The following ZNF676 variants were observed in gnomAD, a reference collection of about 807,000 sequenced individuals.
ZNF676 encodes the protein zinc finger protein 676.
Under a neutral mutation model 6.0 loss-of-function variants are expected in ZNF676, and 4 were observed. The observed-to-expected ratio is 0.67, with a 90% CI of 0.33 to 1.53. The LOEUF (loss-of-function observed/expected upper bound fraction) is 1.53. Among genes scored for constraint, ZNF676 ranks in the 40% most tolerant of loss-of-function variants. The probability of loss-of-function intolerance (pLI) is 0.06; values close to 1 mark genes in which losing one functional copy is unlikely to be tolerated. For synonymous variants in ZNF676, 198 were observed against 223.1 expected (o/e 0.89, Z 1.00); for missense variants, 644 against 679.7 (o/e 0.95, Z 0.58).
the ZNF676 span, among the ~76,000 whole-genome samples, chr19:22,234,917 G>A: frequency 1.3e-5 from 2 of 148,722 alleles, no homozygotes; most frequent in African/African-American, 2.5e-5. Context: ...TGGATGACAA[G>A]AGCAAGACTC....
At chr19:22,219,699 A>G (rs2024228749), upstream of ZNF676, among the ~76,000 whole-genome samples, 1 of 151,480 alleles carries the variant, frequency 6.6e-6, no homozygotes, top group Non-Finnish European at 1.5e-5. Flanking sequence ...TCTGTCACCC[A>G]GGCTGGAGTG....
rs2145777327 is a variant in ZNF676, at chr19:22,180,879, G to T, written c.838C>A (p.Pro280Thr). Residue 280 changes from proline to threonine, a missense_variant, in exon 3 of 3, where the codon CCC becomes ACC. By Grantham distance (38) the Pro-to-Thr change is conservative. Around this residue, in one of 5 missense-constraint regions of ZNF676, gnomAD observed 28 missense variants for 83.7 expected, o/e 0.33. Coordinates refer to ENST00000397121, the MANE Select transcript of ZNF676 (RefSeq NM_001001411.3). ...THKAIHAEEKPYKCEECGKAS... is the reference protein window; with the variant it reads ...THKAIHAEEKTYKCEECGKAS... The stretch of plus-strand genomic sequence containing the variant: ...TTGCCACATTCTTCACATTTGTAGG[G>T]CTTCTCTTCAGCATGAATTGCCTTA... 1 of 1,402,960 alleles carries T rather than the reference G, an allele frequency of 7.1e-7. No homozygotes were observed. Among genetic ancestry groups the T allele is most frequent in the Middle Eastern group, 1.8e-4 (1 of 5,626 alleles). The allele number at this position is 1,402,960 out of a possible 1,614,324, so 86.9% of individuals were successfully genotyped here. A position where few individuals can be genotyped will look rare whatever the true frequency, so the allele number is the denominator to read the frequency against.
At chr19:22,253,763 A>C in the ZNF676 span, among the ~76,000 whole-genome samples, 72 of 152,080 alleles carry the variant, frequency 4.7e-4, no homozygotes, top group African/African-American at 1.6e-3. Context: ...GACCTCTCCA[A>C]TGGGGTCTGT....
At chr19:22,248,542 C>T in the ZNF676 span, among the ~76,000 whole-genome samples, 1 of 152,120 alleles carries the variant, frequency 6.6e-6, no homozygotes, top group African/African-American at 2.4e-5. Flanking sequence ...TGGAAAAGAT[C>T]CCTTCATGAC....
rs768097893 is a variant in ZNF676, at chr19:22,180,943, A to C, written c.774T>G (p.Cys258Trp). ...TGEKPYKCEE[C>W]GKGFSSVSTL... The stretch of plus-strand genomic sequence containing the variant: ...TTGAGACGCTACTAAATCCTTTGCC[A>C]CATTCTTCACATTTGTAGGGTTTCT... The change falls in exon 3 of 3, where the codon TGT (cysteine) becomes TGG (tryptophan). Residue 258 changes from cysteine (C) to tryptophan (W), a missense_variant. This residue lies in a region of ZNF676 where 28 missense variants were observed against 83.7 expected (regional missense o/e 0.33). Coordinates refer to ENST00000397121, the MANE Select transcript of ZNF676 (RefSeq NM_001001411.3). 6.2e-7 allele frequency: 1 copy of C among 1,600,682 alleles called. No homozygotes were observed. The highest frequency in any genetic ancestry group is 8.5e-7 in the Non-Finnish European group (1 of 1,170,288).
upstream of ZNF676, among the ~76,000 whole-genome samples, chr19:22,200,667 A>T (rs141015457): frequency 0.017 from 2,657 of 151,994 alleles, 49 homozygotes; most frequent in African/African-American, 0.039. Context: ...TACAGGCATG[A>T]GCCACCACAC....
intron 2 of ZNF676, among the ~76,000 whole-genome samples, chr19:22,185,217 A>C (rs1329682391): frequency 6.6e-6 from 1 of 152,172 alleles, no homozygotes; most frequent in African/African-American, 2.4e-5. Context: ...GGTGATACCC[A>C]GGAAAAAGGG....
Position 22,181,197 on chromosome 19 carries a change from T to C in ZNF676, c.520A>G (p.Asn174Asp), listed in dbSNP as rs747031273. 5.0e-6 allele frequency: 8 copies of C among 1,613,798 alleles called. No individual in the cohort carries two copies. The highest frequency in any genetic ancestry group is 6.8e-6 in the Non-Finnish European group (8 of 1,179,850). The change falls in exon 3 of 3, where the codon AAT (asparagine) becomes GAT (aspartate). Residue 174 changes from asparagine to aspartate, a missense_variant. Physicochemically the swap from Asn to Asp is conservative, Grantham distance 23 (BLOSUM62 1). This residue lies in a region of ZNF676 where 280 missense variants were observed against 269.3 expected (regional missense o/e 1.04). Coordinates refer to ENST00000397121, the MANE Select transcript of ZNF676 (RefSeq NM_001001411.3). Reference sequence around the variant, plus strand: ...GAGGACCAGTTAAAAGCTTTGCCATTTTCTTCACATTTGTAGGAATTCTCT... The same window carrying C: ...GAGGACCAGTTAAAAGCTTTGCCATCTTCTTCACATTTGTAGGAATTCTCT... ...TRENSYKCEENGKAFNWSSTL... is the reference protein window; with the variant it reads ...TRENSYKCEEDGKAFNWSSTL...
intron 1 of ZNF676, among the ~76,000 whole-genome samples, chr19:22,194,926 AC>A (rs2023951609): frequency 6.6e-6 from 1 of 152,112 alleles, no homozygotes; most frequent in South Asian, 2.1e-4. Flanking sequence ...CTACCAAAGT[AC>A]CCACTGTCAT....
At chr19:22,253,353 G>GGTGTGTGTGTGTGT in the ZNF676 span, among the ~76,000 whole-genome samples, 1 of 105,832 alleles carries the variant, frequency 9.4e-6, no homozygotes, top group Non-Finnish European at 1.9e-5. Flanking sequence ...TATGATAATG[G>GGTGTGTGTGTGTGT]GTGTGTGTGT....
the ZNF676 span, among the ~76,000 whole-genome samples, chr19:22,239,391 A>C: frequency 1.5e-4 from 23 of 151,920 alleles, no homozygotes; most frequent in Admixed American, 1.1e-3. Flanking sequence ...TGTGTTAGCC[A>C]GGATGGTCTC....
the ZNF676 span, among the ~76,000 whole-genome samples, chr19:22,237,309 A>T: frequency 6.6e-6 from 1 of 152,214 alleles, no homozygotes; most frequent in African/African-American, 2.4e-5. Context: ...AAGCTGCAAC[A>T]TTAAATGCAG....
At chr19:22,199,917 A>G (rs1245731272), upstream of ZNF676, among the ~76,000 whole-genome samples, 2 of 152,152 alleles carry the variant, frequency 1.3e-5, no homozygotes, top group Non-Finnish European at 2.9e-5. Flanking sequence ...AGTCTCAGAA[A>G]ATGTTGAACA....
the ZNF676 span, among the ~76,000 whole-genome samples, chr19:22,233,352 A>G: frequency 1.3e-5 from 2 of 150,834 alleles, no homozygotes; most frequent in Admixed American, 6.6e-5. Flanking sequence ...AAAATTTTAT[A>G]ATATTTTGGA....
At chr19:22,224,559 TTTCTTTGTGTGAGAGAAA>T in the ZNF676 span, among the ~76,000 whole-genome samples, 2 of 152,208 alleles carry the variant, frequency 1.3e-5, 1 homozygote, top group Admixed American at 1.3e-4. Flanking sequence ...GAATATATAT[TTTCTTTGTGTGAGAGAAA>T]CACTTTTGTG....
At chr19:22,254,188 T>C in the ZNF676 span, among the ~76,000 whole-genome samples, 1 of 152,044 alleles carries the variant, frequency 6.6e-6, no homozygotes, top group Admixed American at 6.5e-5. Flanking sequence ...CACAGATATA[T>C]TACAATCCCC....
chr19:22,211,344 G>A (rs2144822466), intron 1 of ZNF676, among the ~76,000 whole-genome samples: 1 of 152,188 alleles, frequency 6.6e-6, no homozygotes, highest in African/African-American at 2.4e-5. Context: ...AACTAAATGG[G>A]CCTTTAATAA....
chr19:22,229,536 A>G, the ZNF676 span, among the ~76,000 whole-genome samples: 1 of 152,362 alleles, frequency 6.6e-6, no homozygotes, highest in Non-Finnish European at 1.5e-5. Flanking sequence ...TCTGCACAGC[A>G]AAAGAAACTA....
the ZNF676 span, among the ~76,000 whole-genome samples, chr19:22,246,650 T>A: frequency 1.3e-5 from 2 of 152,164 alleles, no homozygotes; most frequent in South Asian, 2.1e-4. Flanking sequence ...CAATCTCCAC[T>A]GTAGGAAGGT....
Sources: allele counts gnomAD v4.1 joint callset (sites outside exome capture counted in the v4.1 genomes callset), GRCh38; gene constraint gnomAD v4.1.1; regional missense constraint gnomAD v4.1.1; transcripts MANE v1.5; gene names NCBI Gene and HGNC (gene_info 2026-07-23, HGNC 2026-07-21).